PPEF1: variants seen among roughly 807,000 people sequenced by gnomAD.
PPEF1 encodes protein phosphatase with EF-hand domain 1.
PPEF1 carries 12 observed loss-of-function variants against 53.3 expected under a neutral mutation model. The ratio of observed to expected loss-of-function variants is 0.23; its 90% CI spans 0.14 to 0.36. The LOEUF (loss-of-function observed/expected upper bound fraction) is 0.36, where lower values mean the gene tolerates loss of function less well. Among genes scored for constraint, PPEF1 ranks in the 10% least tolerant of loss-of-function variants. The pLI is 1.00. For synonymous variants in PPEF1, 165 were observed against 176.7 expected, an observed-to-expected ratio of 0.93 and a Z score of 0.52; for missense variants, 334 against 490.4, an observed-to-expected ratio of 0.68 and a Z score of 3.01.
intron 9 of PPEF1, among the ~76,000 whole-genome samples, chrX:18,788,141 C>T (rs1366290588): frequency 1.8e-5 from 2 of 109,226 alleles, no homozygotes; most frequent in Non-Finnish European, 3.8e-5. Context: ...ACGGTGACAC[C>T]CCGTCTCTTC....
intron 4 of PPEF1, among the ~76,000 whole-genome samples, chrX:18,696,563 A>T (rs1007305095): frequency 8.9e-6 from 1 of 111,925 alleles, no homozygotes; most frequent in Non-Finnish European, 1.9e-5. Context: ...TGTGTACATG[A>T]TCAAATATAC....
At chrX:18,703,255 A>G, upstream of PPEF1, among the ~76,000 whole-genome samples, 1 of 111,492 alleles carries the variant, frequency 9.0e-6, no homozygotes, top group East Asian at 2.8e-4. Flanking sequence ...CTTTTTTTGT[A>G]ACCTATTACC....
intron 1 of PPEF1, among the ~76,000 whole-genome samples, chrX:18,714,586 T>C (rs1418252415): frequency 8.9e-6 from 1 of 112,370 alleles, no homozygotes; most frequent in Admixed American, 9.4e-5. Flanking sequence ...GGTAAGTTTA[T>C]GCAGCTTACA....
chrX:18,739,745 G>A (rs2045097871), intron 3 of PPEF1, among the ~76,000 whole-genome samples: 1 of 112,468 alleles, frequency 8.9e-6, no homozygotes, highest in African/African-American at 3.2e-5. Context: ...GGCGTCTATA[G>A]AGGCAGGCAG....
intron 4 of PPEF1, among the ~76,000 whole-genome samples, chrX:18,697,518 G>A (rs1461619396): frequency 1.8e-5 from 2 of 110,630 alleles, no homozygotes; most frequent in African/African-American, 3.3e-5. Context: ...GTCTCGGCCC[G>A]TGCATCACTT....
At chrX:18,770,875 G>C (rs2045858856) in intron 6 of PPEF1, among the ~76,000 whole-genome samples, 1 of 112,373 alleles carries the variant, frequency 8.9e-6, no homozygotes, top group Non-Finnish European at 1.9e-5. Flanking sequence ...AGGTTATACT[G>C]GTTTCATAAA....
chrX:18,705,393 G>A (rs1471185254), upstream of PPEF1, among the ~76,000 whole-genome samples: 1 of 111,709 alleles, frequency 9.0e-6, no homozygotes, highest in African/African-American at 3.3e-5. Context: ...ATGTAGATAA[G>A]GAAGACACGA....
chrX:18,755,587 G>A (rs185921841), intron 4 of PPEF1, among the ~76,000 whole-genome samples: 16 of 108,497 alleles, frequency 1.5e-4, no homozygotes, highest in African/African-American at 4.3e-4. Context: ...CAAAAAAAGA[G>A]TGTATGGTTC....
chrX:18,677,695 T>TC (rs1369505858), intron 1 of PPEF1, among the ~76,000 whole-genome samples: 1 of 111,259 alleles, frequency 9.0e-6, no homozygotes, highest in Non-Finnish European at 1.9e-5. Context: ...CTTCTGGAAG[T>TC]CCCCTGCCAG....
chrX:18,750,461 G>A (rs922913861), intron 4 of PPEF1, among the ~76,000 whole-genome samples: 9 of 111,723 alleles, frequency 8.1e-5, no homozygotes, highest in East Asian at 2.8e-4. Flanking sequence ...TTAAAGGTTC[G>A]TTCATGTCAT....
At chrX:18,725,650 T>G (rs954408979) in intron 1 of PPEF1, among the ~76,000 whole-genome samples, 5 of 111,620 alleles carry the variant, frequency 4.5e-5, no homozygotes, top group African/African-American at 1.6e-4. Context: ...AGCACCACTG[T>G]GCTGACTAGG....
chrX:18,766,548 C>T (rs1411519016), intron 6 of PPEF1, among the ~76,000 whole-genome samples: 2 of 111,841 alleles, frequency 1.8e-5, no homozygotes, highest in East Asian at 2.8e-4. Flanking sequence ...GGTCTCTGAA[C>T]GCTTGAAATT....
At chrX:18,757,567 A>C (rs111535674) in intron 4 of PPEF1, 60 bp from the exon 5 acceptor site, 3 of 902,956 alleles carry the variant, frequency 3.3e-6, no homozygotes, top group East Asian at 6.2e-5. Context: ...ACAGTTTTCT[A>C]TACAGTCATG....
intron 1 of PPEF1, among the ~76,000 whole-genome samples, chrX:18,728,178 TCTCTCTCTCG>T (rs1339948390): frequency 3.6e-5 from 4 of 110,386 alleles, no homozygotes; most frequent in Admixed American, 9.7e-5. Context: ...TCTGTCTCTC[TCTCTCTCTCG>T]CTCTCTCTCT....
intron 4 of PPEF1, among the ~76,000 whole-genome samples, chrX:18,693,627 C>T (rs937070806): frequency 2.7e-5 from 3 of 112,003 alleles, no homozygotes; most frequent in East Asian, 2.8e-4. Flanking sequence ...AGTGTAATGG[C>T]GCAACCTTGG....
chrX:18,688,174 C>G (rs188691621), intron 3 of PPEF1, among the ~76,000 whole-genome samples: 1 of 111,786 alleles, frequency 8.9e-6, no homozygotes, highest in East Asian at 2.8e-4. Flanking sequence ...TTTTAAATGG[C>G]AATATTTCAC....
At chrX:18,686,093 G>T (rs2147230485) in intron 2 of PPEF1, 1 of 112,335 alleles carries the variant, frequency 8.9e-6, no homozygotes. Flanking sequence ...TCCCCTGTAG[G>T]CATGTAGTCC....
intron 3 of PPEF1, among the ~76,000 whole-genome samples, chrX:18,740,414 T>TC (rs1212240967): frequency 7.1e-5 from 3 of 42,259 alleles, no homozygotes; most frequent in South Asian, 6.9e-4. Flanking sequence ...TCTCTCTCTC[T>TC]TTTTTTTTTT....
chrX:18,757,033 G>A (rs753326780), intron 4 of PPEF1, among the ~76,000 whole-genome samples: 19 of 110,842 alleles, frequency 1.7e-4, no homozygotes, highest in African/African-American at 5.6e-4. Flanking sequence ...AACCTAATGA[G>A]ACCCTATCTC....
Sources: gnomAD v4.1 joint callset for allele counts (sites outside exome capture counted in the v4.1 genomes callset) on GRCh38, gnomAD v4.1.1 for gene constraint, MANE v1.5 for transcripts, NCBI Gene and HGNC (gene_info 2026-07-23, HGNC 2026-07-21) for gene names.